PARD3: variants seen among roughly 807,000 people sequenced by gnomAD.
PARD3 encodes the protein partitioning defective 3 homolog.
A neutral mutation model predicts 155.4 loss-of-function variants in PARD3; 75 were observed. The ratio of observed to expected loss-of-function variants is 0.48; its 90% confidence interval spans 0.40 to 0.58. The LOEUF is 0.58. Among genes scored for constraint, PARD3 ranks in the 20% least tolerant of loss-of-function variants. The pLI is 0.00. For synonymous variants in PARD3, 576 were observed against 610.5 expected (o/e 0.94, Z 0.83); for missense variants, 1,642 against 1,721.7 (o/e 0.95, Z 0.82).
chr10:34,378,836 T>C (rs1386855257), intron 9 of PARD3, among the ~76,000 whole-genome samples: 4 of 151,946 alleles, frequency 2.6e-5, no homozygotes, highest in African/African-American at 7.2e-5. Context: ...CATTTATAAA[T>C]TACTCTGATG....
chr10:34,606,011 CTCCTATAT>C (rs2090380945), intron 2 of PARD3, among the ~76,000 whole-genome samples: 1 of 118,358 alleles, frequency 8.4e-6, no homozygotes, highest in Non-Finnish European at 1.7e-5. Flanking sequence ...ATATATATAT[CTCCTATAT>C]CTATATCTCC....
chr10:34,138,239 G>T (rs965942629), intron 22 of PARD3, among the ~76,000 whole-genome samples: 1 of 152,196 alleles, frequency 6.6e-6, no homozygotes, highest in African/African-American at 2.4e-5. Context: ...TGCAGAAGAT[G>T]TAACTGAAAA....
chr10:34,571,368 G>T (rs1024602699), intron 2 of PARD3, among the ~76,000 whole-genome samples: 2 of 152,128 alleles, frequency 1.3e-5, no homozygotes, highest in Non-Finnish European at 2.9e-5. Context: ...TTTTGGCAAA[G>T]ATTTTATATT....
chr10:34,154,497 A>C (rs1178318981), intron 22 of PARD3, among the ~76,000 whole-genome samples: 1 of 152,186 alleles, frequency 6.6e-6, no homozygotes, highest in Non-Finnish European at 1.5e-5. Context: ...CAAACACCTT[A>C]TCTTTAAGAT....
chr10:34,162,381 T>C (rs1367926124), intron 22 of PARD3, among the ~76,000 whole-genome samples: 1 of 152,234 alleles, frequency 6.6e-6, no homozygotes, highest in Non-Finnish European at 1.5e-5. Context: ...TTTTGTTTAA[T>C]AAATTCTATT....
At chr10:34,111,995 T>A (rs1375526166) in intron 24 of PARD3, among the ~76,000 whole-genome samples, 1 of 152,182 alleles carries the variant, frequency 6.6e-6, no homozygotes, top group Non-Finnish European at 1.5e-5. Context: ...CAACAAATAT[T>A]TTACACAGCT....
At chr10:34,686,912 G>A (rs879376399) in intron 2 of PARD3, among the ~76,000 whole-genome samples, 1 of 151,956 alleles carries the variant, frequency 6.6e-6, no homozygotes, top group Non-Finnish European at 1.5e-5. Flanking sequence ...AGCTGGGAGT[G>A]GTGGTGAGCG....
At chr10:34,667,893 T>C (rs141416100) in intron 2 of PARD3, among the ~76,000 whole-genome samples, 43 of 152,340 alleles carry the variant, frequency 2.8e-4, no homozygotes, top group African/African-American at 1.0e-3. Context: ...GGAGAAACCA[T>C]CTGCTGCTTT....
intron 9 of PARD3, among the ~76,000 whole-genome samples, chr10:34,381,194 T>G (rs1167488992): frequency 6.6e-6 from 1 of 151,998 alleles, no homozygotes; most frequent in Non-Finnish European, 1.5e-5. Context: ...CTACCCCAAA[T>G]GTAAAGAAGA....
intron 5 of PARD3, among the ~76,000 whole-genome samples, chr10:34,432,151 CT>C (rs2075967898): frequency 6.7e-6 from 1 of 148,616 alleles, no homozygotes; most frequent in Non-Finnish European, 1.5e-5. Flanking sequence ...GTTTTGCATG[CT>C]TTTAAACTTG....
chr10:34,359,524 C>A (rs1005208435), intron 13 of PARD3, among the ~76,000 whole-genome samples: 1 of 152,100 alleles, frequency 6.6e-6, no homozygotes, highest in African/African-American at 2.4e-5. Flanking sequence ...ATCATTTATA[C>A]ATTTGTAAAT....
At chr10:34,136,045 A>C (rs1454769822) in intron 22 of PARD3, among the ~76,000 whole-genome samples, 1 of 152,204 alleles carries the variant, frequency 6.6e-6, no homozygotes, top group Non-Finnish European at 1.5e-5. Context: ...AATTCTAGGT[A>C]AGCCAAATAA....
At chr10:34,665,242 C>T (rs906542118) in intron 2 of PARD3, among the ~76,000 whole-genome samples, 7 of 152,098 alleles carry the variant, frequency 4.6e-5, no homozygotes, top group Admixed American at 4.6e-4. Context: ...AGGCTGGGCG[C>T]ACCTCATGCC....
At chr10:34,810,369 G>C (rs1216492980) in intron 1 of PARD3, among the ~76,000 whole-genome samples, 1 of 152,052 alleles carries the variant, frequency 6.6e-6, no homozygotes, top group Non-Finnish European at 1.5e-5. Flanking sequence ...CCAAAGTCCA[G>C]AAAAATCCAA....
intron 12 of PARD3, among the ~76,000 whole-genome samples, chr10:34,368,890 CTAA>C (rs942767530): frequency 8.2e-5 from 12 of 146,728 alleles, no homozygotes; most frequent in African/African-American, 2.8e-4. Flanking sequence ...ACTATCTTGA[CTAA>C]TGAGATGGCA....
chr10:34,436,796 T>C (rs1017900128), intron 5 of PARD3, among the ~76,000 whole-genome samples: 2 of 152,120 alleles, frequency 1.3e-5, no homozygotes, highest in South Asian at 2.1e-4. Flanking sequence ...TCTATAAGGA[T>C]TGCCAAGCTA....
intron 1 of PARD3, among the ~76,000 whole-genome samples, chr10:34,742,329 T>C (rs906951121): frequency 6.6e-6 from 1 of 152,334 alleles, no homozygotes; most frequent in Non-Finnish European, 1.5e-5. Flanking sequence ...AATATCATAA[T>C]GCAACAATTC....
At chr10:34,241,935 T>A (rs769293475) in intron 22 of PARD3, among the ~76,000 whole-genome samples, 5 of 152,064 alleles carry the variant, frequency 3.3e-5, no homozygotes, top group Admixed American at 6.6e-5. Context: ...CTATCTGTAT[T>A]GTGCATATTG....
chr10:34,770,007 A>G (rs965986254), intron 1 of PARD3, among the ~76,000 whole-genome samples: 4 of 151,982 alleles, frequency 2.6e-5, no homozygotes, highest in Non-Finnish European at 5.9e-5. Context: ...TACAGCCCCA[A>G]TTTCCCTGCT....
Sources: allele counts gnomAD v4.1 joint callset (sites outside exome capture counted in the v4.1 genomes callset), GRCh38; gene constraint gnomAD v4.1.1; transcripts MANE v1.5; gene names NCBI Gene and HGNC (gene_info 2026-07-23, HGNC 2026-07-21).